Variants in TACR1 observed in about 807,000 individuals in gnomAD.
The protein encoded by TACR1 is tachykinin receptor 1.
Under a neutral mutation model 35.8 loss-of-function variants are expected in TACR1, and 25 were observed. The ratio of observed to expected loss-of-function variants is 0.70; its 90% CI spans 0.51 to 0.98. The LOEUF is 0.98. Ranked by LOEUF, TACR1 falls within the 50% of genes least tolerant of loss-of-function variation. The probability of loss-of-function intolerance (pLI) is 0.00; values close to 1 mark genes in which losing one functional copy is unlikely to be tolerated. For synonymous variants in TACR1, 195 were observed against 206.7 expected (o/e 0.94, Z 0.48); for missense variants, 478 against 522.9 (o/e 0.91, Z 0.84).
At chr2:75,198,398 A>G (rs1572997454) in intron 1 of TACR1, 148 bp downstream of exon 1, 3 of 882,660 alleles carry the variant, frequency 3.4e-6, no homozygotes, top group African/African-American at 3.4e-5. Context: ...GAAGTTCCCC[A>G]TCAACAAATG....
intron 2 of TACR1, among the ~76,000 whole-genome samples, chr2:75,067,298 T>G (rs1573463542): frequency 6.6e-6 from 1 of 152,170 alleles, no homozygotes; most frequent in East Asian, 1.9e-4. Flanking sequence ...TCATATATAT[T>G]GTTAGCAAAG....
chr2:75,156,434 C>CAAAAAAAAAAA (rs60552665), intron 1 of TACR1: 2 of 112,170 alleles, frequency 1.8e-5, no homozygotes, highest in African/African-American at 3.4e-5. Context: ...ACCAAAAATA[C>CAAAAAAAAAAA]AAAAAAAAAA....
chr2:75,198,507 A>G (rs768683683), intron 1 of TACR1, 39 bp downstream of exon 1: 34 of 1,599,778 alleles, frequency 2.1e-5, no homozygotes, highest in Admixed American at 1.0e-4. Context: ...GTGGTCCTCT[A>G]TGAGCACTTT....
At chr2:75,075,392 A>G (rs942165881) in intron 2 of TACR1, among the ~76,000 whole-genome samples, 1 of 152,180 alleles carries the variant, frequency 6.6e-6, no homozygotes, top group Non-Finnish European at 1.5e-5. Context: ...ACCCAAATGA[A>G]TTTCACTTTA....
intron 1 of TACR1, among the ~76,000 whole-genome samples, chr2:75,183,683 C>G (rs1347146719): frequency 6.6e-6 from 1 of 152,168 alleles, no homozygotes; most frequent in Non-Finnish European, 1.5e-5. Context: ...CCTTGATCAC[C>G]CCAGGAAGGA....
At chr2:75,093,100 A>G (rs1219724655) in intron 2 of TACR1, among the ~76,000 whole-genome samples, 1 of 152,174 alleles carries the variant, frequency 6.6e-6, no homozygotes, top group East Asian at 1.9e-4. Context: ...ACCCCTTAAG[A>G]GTGCAAAGGA....
chr2:75,076,131 T>A (rs1026068558), intron 2 of TACR1, among the ~76,000 whole-genome samples: 45 of 152,366 alleles, frequency 3.0e-4, no homozygotes, highest in African/African-American at 1.0e-3. Flanking sequence ...TTCCTTCTGT[T>A]AGACCTTAGT....
chr2:75,193,009 T>C (rs1390986292), intron 1 of TACR1, among the ~76,000 whole-genome samples: 1 of 152,100 alleles, frequency 6.6e-6, no homozygotes, highest in Non-Finnish European at 1.5e-5. Context: ...TTCCTCTTTG[T>C]CGTTTCCTCC....
intron 1 of TACR1, among the ~76,000 whole-genome samples, chr2:75,180,357 T>G (rs936367252): frequency 1.3e-5 from 2 of 152,246 alleles, no homozygotes; most frequent in African/African-American, 2.4e-5. Flanking sequence ...ATTACATTAA[T>G]GGTCCCAACT....
rs1675193444 is a variant in TACR1, at chr2:75,168,314, T to C, written c.389+30232A>G. ...GTTACCTGACATGGCACAAATGACT[T>C]TGCAGATGTCATTAAGTTAAGGGCC... On this transcript the variant is annotated intron_variant, in intron 1 of 4. Coordinates refer to ENST00000305249, the MANE Select transcript of TACR1 (RefSeq NM_001058.4). Among the ~76,000 whole-genome samples the C allele has an allele frequency of 2.0e-5, 3 of 152,196 alleles. No homozygotes were observed. The South Asian group carries it at 6.2e-4, about 32-fold the overall frequency.
chr2:75,133,600 T>A (rs759531240), intron 1 of TACR1, among the ~76,000 whole-genome samples: 6 of 152,188 alleles, frequency 3.9e-5, no homozygotes, highest in Admixed American at 6.5e-5. Flanking sequence ...GGGGCTGGGT[T>A]TAAACTTGGC....
chr2:75,147,705 T>G (rs1674542846), intron 1 of TACR1, among the ~76,000 whole-genome samples: 1 of 151,874 alleles, frequency 6.6e-6, no homozygotes. Flanking sequence ...ATGATGGCTT[T>G]CAGCTTCATC....
At chr2:75,120,851 A>T in intron 1 of TACR1, 83 bp from the exon 2 acceptor site, 1 of 1,140,134 alleles carries the variant, frequency 8.8e-7, no homozygotes, top group East Asian at 2.5e-5. Context: ...TGCCAATAAG[A>T]AAATTCATAG....
chr2:75,062,469 A>G (rs1180344276), intron 2 of TACR1, among the ~76,000 whole-genome samples: 1 of 152,184 alleles, frequency 6.6e-6, no homozygotes, highest in Non-Finnish European at 1.5e-5. Flanking sequence ...TTTTTATGTC[A>G]ATAAGTATTT....
intron 1 of TACR1, among the ~76,000 whole-genome samples, chr2:75,171,794 G>T (rs1675293131): frequency 6.6e-6 from 1 of 152,176 alleles, no homozygotes; most frequent in African/African-American, 2.4e-5. Context: ...CTTGGAATGG[G>T]TTTATTTACC....
chr2:75,131,310 G>A (rs1016418247), intron 1 of TACR1, among the ~76,000 whole-genome samples: 4 of 151,962 alleles, frequency 2.6e-5, no homozygotes, highest in Non-Finnish European at 2.9e-5. Context: ...GGATGGTCTC[G>A]ATCTCCTGAC....
At chr2:75,180,908 G>A (rs1480733783) in intron 1 of TACR1, among the ~76,000 whole-genome samples, 3 of 152,158 alleles carry the variant, frequency 2.0e-5, no homozygotes, top group African/African-American at 7.2e-5. Context: ...TTTCTACAGT[G>A]GATATTGCAG....
chr2:75,129,948 A>G (rs1330729586), intron 1 of TACR1, among the ~76,000 whole-genome samples: 1 of 152,134 alleles, frequency 6.6e-6, no homozygotes, highest in Non-Finnish European at 1.5e-5. Flanking sequence ...CTCTTCTCCC[A>G]CAGATCTCTT....
intron 1 of TACR1, among the ~76,000 whole-genome samples, chr2:75,123,062 T>C (rs576600132): frequency 4.2e-5 from 6 of 143,174 alleles, no homozygotes; most frequent in Non-Finnish European, 6.2e-5. Context: ...TTGCCGTCTT[T>C]CCAATTCAGT....
Sources: gnomAD v4.1 joint callset for allele counts (sites outside exome capture counted in the v4.1 genomes callset) on GRCh38, gnomAD v4.1.1 for gene constraint, MANE v1.5 for transcripts, NCBI Gene and HGNC (gene_info 2026-07-23, HGNC 2026-07-21) for gene names.